ZFPM2: variants seen among roughly 807,000 people sequenced by gnomAD.
ZFPM2 encodes the protein zinc finger protein, FOG family member 2, also known as zinc finger protein ZFPM2.
A neutral mutation model predicts 98.6 loss-of-function variants in ZFPM2; 20 were observed. The observed-to-expected ratio is 0.20, with a 90% CI of 0.14 to 0.29. ZFPM2 has a LOEUF of 0.29. Among genes scored for constraint, ZFPM2 ranks in the 10% least tolerant of loss-of-function variants. The pLI is 1.00. For missense variants in ZFPM2, 1,310 were observed against 1,388.6 expected (o/e 0.94, Z 0.90); for synonymous variants, 518 against 502.7 (o/e 1.03, Z -0.41).
chr8:105,354,332 G>A (rs1172723656), intron 1 of ZFPM2, among the ~76,000 whole-genome samples: 1 of 152,160 alleles, frequency 6.6e-6, no homozygotes, highest in Non-Finnish European at 1.5e-5. Flanking sequence ...ATGCCCACAA[G>A]CTAATCTTTA....
intron 4 of ZFPM2, among the ~76,000 whole-genome samples, chr8:105,573,678 AC>A (rs1815404673): frequency 6.6e-6 from 1 of 152,258 alleles, no homozygotes; most frequent in African/African-American, 2.4e-5. Context: ...ATTAAAATAT[AC>A]AAAACGTGAT....
intron 7 of ZFPM2, among the ~76,000 whole-genome samples, chr8:105,799,428 C>G (rs1007378958): frequency 6.6e-6 from 1 of 152,094 alleles, no homozygotes; most frequent in African/African-American, 2.4e-5. Flanking sequence ...AAATATGGAT[C>G]AGTAAAATAT....
chr8:105,466,448 A>C (rs893315137), intron 3 of ZFPM2, among the ~76,000 whole-genome samples: 2 of 152,074 alleles, frequency 1.3e-5, no homozygotes, highest in African/African-American at 4.8e-5. Context: ...CACATTTTAA[A>C]ATTTGGGATG....
intron 3 of ZFPM2, among the ~76,000 whole-genome samples, chr8:105,458,012 G>C (rs562470894): frequency 4.6e-5 from 7 of 152,296 alleles, no homozygotes; most frequent in Admixed American, 4.6e-4. Context: ...CAGGGACCCT[G>C]GTGGCCTCAC....
intron 1 of ZFPM2, among the ~76,000 whole-genome samples, chr8:105,333,899 A>C (rs1812278289): frequency 6.6e-6 from 1 of 151,706 alleles, no homozygotes; most frequent in African/African-American, 2.4e-5. Flanking sequence ...AATATGCAAG[A>C]AATTGTTGAT....
At chr8:105,768,318 A>G (rs1445491319) in intron 5 of ZFPM2, among the ~76,000 whole-genome samples, 1 of 152,010 alleles carries the variant, frequency 6.6e-6, no homozygotes, top group African/African-American at 2.4e-5. Flanking sequence ...AAAGCAAAAT[A>G]GATTTTCCAC....
intron 6 of ZFPM2, among the ~76,000 whole-genome samples, chr8:105,796,058 A>AAATT (rs749742965): frequency 4.3e-4 from 65 of 152,260 alleles, no homozygotes; most frequent in Non-Finnish European, 4.6e-4. Context: ...TAGATTAAAG[A>AAATT]AATTATCAGA....
rs187709017 is a variant in ZFPM2, at chr8:105,670,402, A to G, written c.532+36045A>G. Among the ~76,000 whole-genome samples the G allele has an allele frequency of 1.4e-5, 2 of 146,164 alleles. 1 individual carries two copies. Among genetic ancestry groups the G allele is most frequent in the Admixed American group, 1.4e-4 (2 of 14,230 alleles). On this transcript the variant is annotated intron_variant, in intron 5 of 7. Transcript: ENST00000407775. ...TCCCAGCTACTCGGGAGGTTGAGGC[A>G]GGAGAATGGCATGAACCCGGGAGGC...
chr8:105,618,491 A>G (rs1000403098), intron 4 of ZFPM2, among the ~76,000 whole-genome samples: 1 of 152,190 alleles, frequency 6.6e-6, no homozygotes, highest in Non-Finnish European at 1.5e-5. Flanking sequence ...ATAAAATCTT[A>G]TAGATCATAT....
intron 1 of ZFPM2, among the ~76,000 whole-genome samples, chr8:105,326,652 G>T (rs1563604710): frequency 6.6e-6 from 1 of 151,562 alleles, no homozygotes; most frequent in Non-Finnish European, 1.5e-5. Context: ...GCTAATAAGA[G>T]ACACTAATAT....
rs1406564813 is a variant in ZFPM2, at chr8:105,408,409, G to A, written c.41-10735G>A. Among the ~76,000 whole-genome samples, 7 of 151,828 alleles carry A rather than the reference G, an allele frequency of 4.6e-5. No homozygotes were observed. In the South Asian group the frequency reaches 1.0e-3, roughly 22 times the overall value. Reference sequence around the variant, plus strand: ...CATAGAACACTTGTAATAAAGTTCCGTGTTGATATGTGTCCTAGGGCATGT... The same window carrying A: ...CATAGAACACTTGTAATAAAGTTCCATGTTGATATGTGTCCTAGGGCATGT... On this transcript the variant is annotated intron_variant, in intron 1 of 7. Transcript: ENST00000407775.
At chr8:105,451,579 G>T (rs1411875148) in intron 3 of ZFPM2, 1 of 152,174 alleles carries the variant, frequency 6.6e-6, no homozygotes, top group Non-Finnish European at 1.5e-5. Flanking sequence ...AATGCCTTGT[G>T]GAGATAAAGG....
At chr8:105,603,623 C>T (rs571166089) in intron 4 of ZFPM2, among the ~76,000 whole-genome samples, 24 of 152,082 alleles carry the variant, frequency 1.6e-4, no homozygotes, top group Non-Finnish European at 2.5e-4. Flanking sequence ...ACTTTGAAAA[C>T]GTGGAAATTA....
In ZFPM2 at chr8:105,333,664, C is replaced by A. The variant is rs116362123; in HGVS notation, c.40+14683C>A. On this transcript the variant is annotated intron_variant, in intron 1 of 7. Transcript: ENST00000407775. ...GCATGGTTTCTGATAGCAAAAAATT[C>A]GAAGTCACCTAAATGTCCATTAATA... 6.4e-3 allele frequency among the ~76,000 whole-genome samples: 972 copies of A among 151,566 alleles called. 11 individuals are homozygous for A. The highest frequency in any genetic ancestry group is 0.022 in the African/African-American group (908 of 41,406).
At chr8:105,747,053 A>G (rs990147557) in intron 5 of ZFPM2, among the ~76,000 whole-genome samples, 6 of 152,072 alleles carry the variant, frequency 3.9e-5, no homozygotes, top group African/African-American at 1.4e-4. Context: ...TTCTTATTTC[A>G]GCATATAAAC....
At chr8:105,514,307 CTTTTTTTT>C (rs56955237) in intron 3 of ZFPM2, among the ~76,000 whole-genome samples, 10 of 127,546 alleles carry the variant, frequency 7.8e-5, no homozygotes, top group African/African-American at 2.9e-4. Flanking sequence ...CTGGTCGTGT[CTTTTTTTT>C]TTTTTTTTTT....
At chr8:105,772,744 G>A (rs1463563664) in intron 5 of ZFPM2, among the ~76,000 whole-genome samples, 2 of 152,064 alleles carry the variant, frequency 1.3e-5, no homozygotes, top group African/African-American at 4.8e-5. Flanking sequence ...TAAGATTTTT[G>A]CATCCTTCAT....
intron 5 of ZFPM2, among the ~76,000 whole-genome samples, chr8:105,653,854 C>CTTTTTTT (rs60218363): frequency 0.019 from 670 of 35,294 alleles, 161 homozygotes; most frequent in Admixed American, 0.026. Flanking sequence ...TGTGTGCTAT[C>CTTTTTTT]TTTTTTTTTT....
In ZFPM2 at chr8:105,512,329, G is replaced by A. The variant is rs565234212; in HGVS notation, c.302-49034G>A. On this transcript the variant is annotated intron_variant, in intron 3 of 7. Transcript: ENST00000407775. ...CAGCTTTGACCCTTGTAAACCAGTT[G>A]ACCTTGGGTCTCAATTTTCTCTTCT... is the stretch of plus-strand genomic sequence containing the variant. Among the ~76,000 whole-genome samples the A allele has an allele frequency of 5.9e-5, 9 of 152,252 alleles. No homozygotes were observed. The South Asian group carries it at 1.9e-3, about 32-fold the overall frequency.
Sources: gnomAD v4.1 joint callset for allele counts (sites outside exome capture counted in the v4.1 genomes callset) on GRCh38, gnomAD v4.1.1 for gene constraint, MANE v1.5 for transcripts, NCBI Gene and HGNC (gene_info 2026-07-23, HGNC 2026-07-21) for gene names.